The following MMUT variants were observed in gnomAD, a reference collection of about 807,000 sequenced individuals.
MMUT encodes methylmalonyl-CoA mutase, mitochondrial.
In MMUT, 79 loss-of-function variants were observed where a neutral mutation model predicts 79.9. That is an observed-to-expected ratio of 0.99 (90% CI 0.82 to 1.19). The LOEUF is 1.19. Among genes scored for constraint, MMUT ranks in the 50% most tolerant of loss-of-function variants. The pLI is 0.00. For missense variants in MMUT, 860 were observed against 917.2 expected, an observed-to-expected ratio of 0.94 and a Z score of 0.81; for synonymous variants, 273 against 295.7, an observed-to-expected ratio of 0.92 and a Z score of 0.79.
At chr6:49,449,033 T>C (rs1271290163) in intron 6 of MMUT, 106 bp from the exon 7 acceptor site, 6 of 586,886 alleles carry the variant, frequency 1.0e-5, no homozygotes, top group African/African-American at 9.6e-5. Context: ...AATAAAATTA[T>C]AAACTAAATG....
At chr6:49,447,202 C>T (rs942587608) in intron 8 of MMUT, among the ~76,000 whole-genome samples, 2 of 151,700 alleles carry the variant, frequency 1.3e-5, no homozygotes, top group Admixed American at 1.3e-4. Context: ...TTTTAAAAAT[C>T]AAAAAGCAAG....
At chr6:49,450,828 A>G (rs1767533751) in intron 6 of MMUT, among the ~76,000 whole-genome samples, 1 of 152,206 alleles carries the variant, frequency 6.6e-6, no homozygotes, top group African/African-American at 2.4e-5. Context: ...AAATGAAAAT[A>G]TATTCCTACT....
intron 8 of MMUT, 80 bp from the exon 9 acceptor site, chr6:49,444,834 T>C (rs1028915624): frequency 4.7e-6 from 5 of 1,062,554 alleles, no homozygotes; most frequent in Admixed American, 1.9e-5. Context: ...CCCTGATGCA[T>C]AGCATATGGC....
intron 12 of MMUT, among the ~76,000 whole-genome samples, chr6:49,433,229 C>G (rs1170437047): frequency 1.3e-5 from 2 of 152,030 alleles, no homozygotes; most frequent in African/African-American, 4.8e-5. Context: ...TTGGAGATGT[C>G]AGATTAATAG....
chr6:49,452,627 C>A (rs1374262638), intron 5 of MMUT, among the ~76,000 whole-genome samples: 1 of 152,180 alleles, frequency 6.6e-6, no homozygotes, highest in Non-Finnish European at 1.5e-5. Flanking sequence ...AGCCACTGTG[C>A]CAGGTCTATT....
intron 10 of MMUT, 138 bp from the exon 11 acceptor site, chr6:49,440,491 T>A: frequency 1.1e-6 from 1 of 943,198 alleles, no homozygotes; most frequent in Non-Finnish European, 1.6e-6. Context: ...TTGGGTTGTT[T>A]TTTTTTTCCA....
chr6:49,457,402 CT>C (rs367685197), intron 3 of MMUT, among the ~76,000 whole-genome samples: 9 of 152,258 alleles, frequency 5.9e-5, no homozygotes, highest in African/African-American at 2.2e-4. Flanking sequence ...ACAACTGCAT[CT>C]GAATTTCGGA....
chr6:49,456,216 T>C lies in MMUT; in HGVS notation c.775A>G (p.Ile259Val), dbSNP rs201459583. The C allele has an allele frequency of 1.3e-5, 21 of 1,611,462 alleles. No homozygotes were observed. The highest frequency in any genetic ancestry group is 1.1e-4 in the African/African-American group (8 of 74,956). ...TGCATATGGTATCCACTAATTGAAA[T>C]TGAATTAAATTTTGGCATGTGCTAC... is the stretch of plus-strand genomic sequence containing the variant. ...TAKHMPKFNSISISGYHMQEA... is the reference protein window; with the variant it reads ...TAKHMPKFNSVSISGYHMQEA... The change falls in exon 4 of 13, where the codon ATT becomes GTT. Residue 259 changes from isoleucine to valine, a missense_variant. Ile to Val is a conservative substitution (Grantham distance 29). Coordinates refer to ENST00000274813, the MANE Select transcript of MMUT (RefSeq NM_000255.4).
At chr6:49,450,359 A>T (rs1767521492) in intron 6 of MMUT, among the ~76,000 whole-genome samples, 1 of 152,116 alleles carries the variant, frequency 6.6e-6, no homozygotes, top group Admixed American at 6.5e-5. Flanking sequence ...TGTCAAAGAA[A>T]TAATACAAGA....
chr6:49,459,370 G>C lies in MMUT; in HGVS notation c.97C>G (p.Leu33Val). 6.2e-7 allele frequency: 1 copy of C among 1,613,892 alleles called. No individual in the cohort carries two copies. The highest frequency in any genetic ancestry group is 1.7e-4 in the Middle Eastern group (1 of 6,054). ...SGSRLIQQRLLHQQQPLHPEW... is the reference protein window; with the variant it reads ...SGSRLIQQRLVHQQQPLHPEW... ...GGGTGAAGGGGCTGTTGCTGGTGTA[G>C]AAGTCGTTGCTGTATGAGCCTGGAG... Residue 33 changes from leucine (L) to valine (V), a missense_variant, in exon 2 of 13, where the codon CTA becomes GTA. Leu to Val is a conservative substitution (Grantham distance 32). Coordinates refer to ENST00000274813, the MANE Select transcript of MMUT (RefSeq NM_000255.4).
At chr6:49,444,438 T>C (rs565555566) in intron 9 of MMUT, among the ~76,000 whole-genome samples, 2 of 152,230 alleles carry the variant, frequency 1.3e-5, no homozygotes, top group South Asian at 2.1e-4. Flanking sequence ...AAATACACAA[T>C]TATTAATACA....
At chr6:49,457,529 G>C (rs571701135) in intron 3 of MMUT, among the ~76,000 whole-genome samples, 162 bp downstream of exon 3, 1 of 152,216 alleles carries the variant, frequency 6.6e-6, no homozygotes, top group African/African-American at 2.4e-5. Flanking sequence ...TGCAAGTAAC[G>C]ACAGAACATA....
intron 12 of MMUT, 76 bp from the exon 13 acceptor site, chr6:49,431,932 T>A: frequency 6.5e-7 from 1 of 1,531,936 alleles, no homozygotes; most frequent in Non-Finnish European, 9.0e-7. Flanking sequence ...TCCTTTCTTC[T>A]TTGTCACTCA....
At chr6:49,448,167 A>T (rs2127416958) in intron 7 of MMUT, among the ~76,000 whole-genome samples, 1 of 152,194 alleles carries the variant, frequency 6.6e-6, no homozygotes, top group East Asian at 1.9e-4. Context: ...CTTTTAAACA[A>T]AAAAAGAACC....
chr6:49,450,297 A>T (rs1767519780), intron 6 of MMUT, among the ~76,000 whole-genome samples: 1 of 151,840 alleles, frequency 6.6e-6, no homozygotes, highest in Non-Finnish European at 1.5e-5. Context: ...TCCGTAGCTT[A>T]TGACTAGGAG....
chr6:49,441,967 T>C lies in MMUT; in HGVS notation c.1681A>G (p.Thr561Ala), dbSNP rs766368086. Residue 561 changes from threonine (T) to alanine (A), a missense_variant, in exon 10 of 13, where the codon ACA (threonine) becomes GCA (alanine). Coordinates refer to ENST00000274813, the MANE Select transcript of MMUT (RefSeq NM_000255.4). Reference sequence around the variant, plus strand: ...AGGGCATCTGTGATTTCTCCCACTGTACATCTGAAACATGAAATGGTGGTT... The same window carrying C: ...AGGGCATCTGTGATTTCTCCCACTGCACATCTGAAACATGAAATGGTGGTT... ...LAVDASRARCTVGEITDALKK... is the reference protein window; with the variant it reads ...LAVDASRARCAVGEITDALKK... The C allele has an allele frequency of 3.1e-6, 5 of 1,609,692 alleles. No homozygotes were observed. Among genetic ancestry groups the C allele is most frequent in the Non-Finnish European group, 4.2e-6 (5 of 1,176,508 alleles).
intron 7 of MMUT, 105 bp from the exon 8 acceptor site, chr6:49,447,890 T>C (rs1347138783): frequency 5.8e-6 from 4 of 691,360 alleles, no homozygotes; most frequent in African/African-American, 1.8e-5. Context: ...TAAGTAGTAT[T>C]CTTAATTCTT....
chr6:49,445,117 G>A (rs948485547), intron 8 of MMUT, among the ~76,000 whole-genome samples: 4 of 151,792 alleles, frequency 2.6e-5, no homozygotes, highest in Non-Finnish European at 5.9e-5. Context: ...GAACACTAAA[G>A]ATTAATAGTG....
intron 1 of MMUT, among the ~76,000 whole-genome samples, chr6:49,461,940 CT>C (rs563519907): frequency 7.5e-4 from 114 of 152,084 alleles, no homozygotes; most frequent in African/African-American, 2.7e-3. Flanking sequence ...AATAGTAATC[CT>C]GTAAAAGGTA....
Sources: allele counts gnomAD v4.1 joint callset (sites outside exome capture counted in the v4.1 genomes callset), GRCh38; gene constraint gnomAD v4.1.1; transcripts MANE v1.5; gene names NCBI Gene and HGNC (gene_info 2026-07-23, HGNC 2026-07-21).